Variants in CTNNA3 observed in about 807,000 individuals in gnomAD.
CTNNA3 encodes catenin alpha-3.
Under a neutral mutation model 95.7 loss-of-function variants are expected in CTNNA3, and 76 were observed. The ratio of observed to expected loss-of-function variants is 0.79; its 90% confidence interval spans 0.66 to 0.96. CTNNA3 has a LOEUF of 0.96. Among genes scored for constraint, CTNNA3 ranks in the 40% least tolerant of loss-of-function variants. The pLI, the probability that CTNNA3 is intolerant of heterozygous loss-of-function variation, is 0.00. For synonymous variants in CTNNA3, 431 were observed against 374.4 expected, an observed-to-expected ratio of 1.15 and a Z score of -1.74; for missense variants, 1,191 against 1,089.8, an observed-to-expected ratio of 1.09 and a Z score of -1.31.
intron 7 of CTNNA3, among the ~76,000 whole-genome samples, chr10:67,129,296 C>A (rs1247584619): frequency 6.6e-6 from 1 of 152,122 alleles, no homozygotes; most frequent in African/African-American, 2.4e-5. Context: ...GGAACATTAA[C>A]CATTTCATTT....
intron 7 of CTNNA3, among the ~76,000 whole-genome samples, chr10:66,815,318 C>T (rs1258980627): frequency 2.6e-5 from 4 of 152,064 alleles, no homozygotes; most frequent in African/African-American, 7.2e-5. Context: ...CTATTCCCAT[C>T]CCCTCCCTTC....
In CTNNA3 at chr10:66,526,955, AT is replaced by A. The variant is rs971298442; in HGVS notation, c.1375-6183del. Among the ~76,000 whole-genome samples, 8 of 151,042 alleles carry A rather than the reference AT, an allele frequency of 5.3e-5. No homozygotes were observed. The East Asian group carries it at 7.8e-4, about 15-fold the overall frequency. On this transcript the variant is annotated intron_variant, in intron 10 of 17. Coordinates refer to ENST00000433211, the MANE Select transcript of CTNNA3 (RefSeq NM_013266.4). ...AAGTTTTAAATTTTGATGAAGTCCAATTTTTTTTTCCATTTTTTGTGCTTTT... is the reference window on the plus strand; with the variant it reads ...AAGTTTTAAATTTTGATGAAGTCCAATTTTTTTTCCATTTTTTGTGCTTTT...
intron 5 of CTNNA3, among the ~76,000 whole-genome samples, chr10:67,300,358 T>C (rs1489263040): frequency 2.6e-5 from 4 of 152,216 alleles, no homozygotes; most frequent in Non-Finnish European, 1.5e-5. Context: ...AGTTCCATTA[T>C]GGCATAACCT....
At chr10:66,739,808 G>C (rs74141664) in intron 9 of CTNNA3, among the ~76,000 whole-genome samples, 1 of 152,100 alleles carries the variant, frequency 6.6e-6, no homozygotes, top group African/African-American at 2.4e-5. Flanking sequence ...ACAGTTGTGT[G>C]TTTGTGTGTG....
At chr10:67,709,620 G>A (rs922889276) in intron 1 of CTNNA3, among the ~76,000 whole-genome samples, 3 of 110,454 alleles carry the variant, frequency 2.7e-5, no homozygotes, top group African/African-American at 1.1e-4. Flanking sequence ...CAACCCTCCC[G>A]CTCCATATCT....
rs375304070 is a variant in CTNNA3, at chr10:67,606,960, C to A, written c.189G>T (p.Glu63Asp). ...TGTCTAATAAATTCCAAGTTGCTTC[C>A]TCCACAGAAGCTAGAAGGACACTGG... The part of the protein sequence containing the change: ...KRASVLLASV[E>D]EATWNLLDKG... Residue 63 changes from glutamate (E) to aspartate (D), a missense_variant, in exon 3 of 18, where the codon GAG becomes GAT. Physicochemically the swap from Glu to Asp is conservative, Grantham distance 45. Coordinates refer to ENST00000433211, the MANE Select transcript of CTNNA3 (RefSeq NM_013266.4). 12 of 1,613,684 alleles carry A rather than the reference C, an allele frequency of 7.4e-6. No homozygotes were observed. In the Admixed American group the frequency reaches 2.0e-4, roughly 27 times the overall value.
chr10:67,675,540 G>A (rs919918149), intron 1 of CTNNA3, among the ~76,000 whole-genome samples: 1 of 152,156 alleles, frequency 6.6e-6, no homozygotes, highest in African/African-American at 2.4e-5. Flanking sequence ...TAAGGTGAAG[G>A]CTCAAAGTTG....
chr10:66,578,181 T>G (rs1843065490), intron 10 of CTNNA3, among the ~76,000 whole-genome samples: 1 of 152,026 alleles, frequency 6.6e-6, no homozygotes, highest in Non-Finnish European at 1.5e-5. Context: ...TTTTATACTC[T>G]GAAACTTTAC....
At chr10:67,693,079 C>G (rs897401861) in intron 1 of CTNNA3, among the ~76,000 whole-genome samples, 4 of 152,164 alleles carry the variant, frequency 2.6e-5, no homozygotes, top group South Asian at 2.1e-4. Flanking sequence ...ATTTTGCACA[C>G]AGGAACTCAA....
intron 15 of CTNNA3, among the ~76,000 whole-genome samples, chr10:66,036,465 C>T (rs887070675): frequency 6.6e-6 from 1 of 152,116 alleles, no homozygotes; most frequent in African/African-American, 2.4e-5. Flanking sequence ...CCTCTGTCTC[C>T]TGGGTTCAAG....
chr10:66,093,963 T>G (rs1564635918), intron 14 of CTNNA3, among the ~76,000 whole-genome samples: 1 of 152,044 alleles, frequency 6.6e-6, no homozygotes, highest in Non-Finnish European at 1.5e-5. Context: ...GAAGACAACA[T>G]GTCCCCTGCT....
chr10:67,286,808 T>G (rs915661710), intron 5 of CTNNA3, among the ~76,000 whole-genome samples: 8 of 152,142 alleles, frequency 5.3e-5, no homozygotes, highest in Non-Finnish European at 1.0e-4. Context: ...ACTACAAAAT[T>G]TTAAAAGAAC....
chr10:66,360,898 T>TC (rs1491134654), intron 12 of CTNNA3, among the ~76,000 whole-genome samples: 86 of 109,446 alleles, frequency 7.9e-4, no homozygotes, highest in Middle Eastern at 5.4e-3. Flanking sequence ...TCTTTATTTC[T>TC]TTCTCTCTCT....
intron 13 of CTNNA3, among the ~76,000 whole-genome samples, chr10:66,255,852 A>C (rs2090749909): frequency 6.6e-6 from 1 of 152,246 alleles, no homozygotes; most frequent in African/African-American, 2.4e-5. Context: ...GAGCACTCTA[A>C]GTTAATTCAA....
intron 13 of CTNNA3, among the ~76,000 whole-genome samples, chr10:66,187,309 C>T (rs972546883): frequency 2.6e-5 from 4 of 151,054 alleles, no homozygotes; most frequent in African/African-American, 4.9e-5. Context: ...CTGGTGACAG[C>T]AGTTAGGAAA....
intron 5 of CTNNA3, among the ~76,000 whole-genome samples, chr10:67,424,536 A>G (rs1845849212): frequency 6.6e-6 from 1 of 152,114 alleles, no homozygotes; most frequent in Non-Finnish European, 1.5e-5. Flanking sequence ...ACCTTTAAAG[A>G]TAACTGAAGG....
chr10:67,212,285 C>T (rs1864170706), intron 6 of CTNNA3, among the ~76,000 whole-genome samples: 1 of 151,898 alleles, frequency 6.6e-6, no homozygotes, highest in South Asian at 2.1e-4. Flanking sequence ...ACCTCTTTCT[C>T]CCCACTCCTC....
At chr10:67,729,496 T>C (rs541285748) in intron 1 of CTNNA3, among the ~76,000 whole-genome samples, 2 of 152,276 alleles carry the variant, frequency 1.3e-5, no homozygotes, top group Admixed American at 6.5e-5. Flanking sequence ...AAAATTGTCC[T>C]AATTTAATTT....
At chr10:65,928,080 A>T (rs985143304) in intron 17 of CTNNA3, among the ~76,000 whole-genome samples, 3 of 152,188 alleles carry the variant, frequency 2.0e-5, no homozygotes, top group African/African-American at 4.8e-5. Context: ...AAAAATGGCT[A>T]CTACAATGTT....
Sources: gnomAD v4.1 joint callset for allele counts (sites outside exome capture counted in the v4.1 genomes callset) on GRCh38, gnomAD v4.1.1 for gene constraint, MANE v1.5 for transcripts, NCBI Gene and HGNC (gene_info 2026-07-23, HGNC 2026-07-21) for gene names.